RNGTT: variants seen among roughly 807,000 people sequenced by gnomAD.
The protein encoded by RNGTT is RNA guanylyltransferase and 5'-phosphatase, also known as mRNA-capping enzyme.
A neutral mutation model predicts 79.3 loss-of-function variants in RNGTT; 33 were observed. That is an observed-to-expected ratio of 0.42 (90% CI 0.32 to 0.56). The LOEUF is 0.56. Ranked by LOEUF, RNGTT falls within the 20% of genes least tolerant of loss-of-function variation. RNGTT has a pLI of 0.17. For synonymous variants in RNGTT, 222 were observed against 235.9 expected, an observed-to-expected ratio of 0.94 and a Z score of 0.54; for missense variants, 497 against 739.1, an observed-to-expected ratio of 0.67 and a Z score of 3.80.
intron 13 of RNGTT, among the ~76,000 whole-genome samples, chr6:88,740,513 TCAAAAAAA>T (rs1355403137): frequency 6.7e-6 from 1 of 149,522 alleles, no homozygotes; most frequent in Admixed American, 6.7e-5. Flanking sequence ...ACACCCTGTC[TCAAAAAAA>T]CAAAAAAACA....
At chr6:88,838,148 T>C (rs1050784882) in intron 11 of RNGTT, among the ~76,000 whole-genome samples, 38 of 152,170 alleles carry the variant, frequency 2.5e-4, no homozygotes, top group African/African-American at 9.2e-4. Flanking sequence ...TAGAGTCCTA[T>C]AGCTAACATC....
At chr6:88,905,329 A>AACTTT (rs1476155131) in intron 5 of RNGTT, among the ~76,000 whole-genome samples, 1 of 152,216 alleles carries the variant, frequency 6.6e-6, no homozygotes. Context: ...GGAACTTTCA[A>AACTTT]CAGATCCAGG....
chr6:88,679,315 CCTCA>C (rs1438798458), intron 13 of RNGTT, among the ~76,000 whole-genome samples: 1 of 152,086 alleles, frequency 6.6e-6, no homozygotes, highest in Non-Finnish European at 1.5e-5. Flanking sequence ...TTGGGATTAG[CCTCA>C]CTCAAAGAGT....
At chr6:88,748,945 A>T (rs923492932) in intron 13 of RNGTT, among the ~76,000 whole-genome samples, 1 of 152,156 alleles carries the variant, frequency 6.6e-6, no homozygotes, top group African/African-American at 2.4e-5. Context: ...ATTGAATCTT[A>T]AAAACAAGAA....
intron 13 of RNGTT, among the ~76,000 whole-genome samples, chr6:88,738,006 T>C (rs994262512): frequency 1.3e-5 from 2 of 152,120 alleles, no homozygotes; most frequent in South Asian, 4.1e-4. Context: ...GAGTACAGTA[T>C]GAAAAGGAGG....
At chr6:88,612,945 C>A (rs923255578) in intron 15 of RNGTT, 63 bp from the exon 16 acceptor site, 7 of 1,475,754 alleles carry the variant, frequency 4.7e-6, no homozygotes, top group Non-Finnish European at 5.6e-6. Context: ...TCACCACAGG[C>A]TTATGAGAAA....
intron 11 of RNGTT, among the ~76,000 whole-genome samples, chr6:88,806,984 G>A (rs1480593204): frequency 2.0e-5 from 3 of 152,080 alleles, no homozygotes; most frequent in Non-Finnish European, 2.9e-5. Flanking sequence ...GCAAACTAAC[G>A]TAGGAACGAA....
intron 12 of RNGTT, among the ~76,000 whole-genome samples, chr6:88,781,836 G>A (rs191473853): frequency 6.6e-6 from 1 of 152,044 alleles, no homozygotes; most frequent in Non-Finnish European, 1.5e-5. Flanking sequence ...CAAAACTCTC[G>A]AATCATCTTT....
intron 13 of RNGTT, among the ~76,000 whole-genome samples, chr6:88,714,768 A>C (rs1776448506): frequency 6.6e-6 from 1 of 152,118 alleles, no homozygotes; most frequent in Admixed American, 6.5e-5. Context: ...AAGTACTTTT[A>C]AAAATGTAAA....
intron 14 of RNGTT, among the ~76,000 whole-genome samples, chr6:88,667,174 G>A (rs965329044): frequency 1.3e-5 from 2 of 152,062 alleles, no homozygotes; most frequent in African/African-American, 2.4e-5. Flanking sequence ...CTCAGGCACC[G>A]CATCTAGTGC....
chr6:88,770,035 T>C (rs1193115777), intron 12 of RNGTT, among the ~76,000 whole-genome samples, 161 bp from the exon 13 acceptor site: 1 of 152,228 alleles, frequency 6.6e-6, no homozygotes, highest in African/African-American at 2.4e-5. Context: ...TACCTTCTTA[T>C]TGATGACCTT....
chr6:88,759,366 A>G (rs1778130047), intron 13 of RNGTT, among the ~76,000 whole-genome samples: 1 of 152,140 alleles, frequency 6.6e-6, no homozygotes, highest in African/African-American at 2.4e-5. Context: ...CATTTCTCTG[A>G]AGATCTCTGG....
chr6:88,901,570 G>A (rs187244314), intron 6 of RNGTT, among the ~76,000 whole-genome samples: 9 of 138,864 alleles, frequency 6.5e-5, no homozygotes, highest in Non-Finnish European at 9.1e-5. Flanking sequence ...GCAGTGGCGC[G>A]ATCTCAGCTC....
chr6:88,915,044 A>G (rs544129893), intron 4 of RNGTT, among the ~76,000 whole-genome samples: 1 of 152,340 alleles, frequency 6.6e-6, no homozygotes, highest in Non-Finnish European at 1.5e-5. Context: ...TACCAGGGAC[A>G]TGCAAATAAA....
intron 12 of RNGTT, among the ~76,000 whole-genome samples, chr6:88,786,016 C>T (rs1353019483): frequency 6.6e-6 from 1 of 151,952 alleles, no homozygotes; most frequent in African/African-American, 2.4e-5. Context: ...TAACTCTAGA[C>T]TCAATAGAAA....
intron 1 of RNGTT, among the ~76,000 whole-genome samples, chr6:88,944,301 C>T (rs898549832): frequency 6.6e-6 from 1 of 152,218 alleles, no homozygotes; most frequent in Non-Finnish European, 1.5e-5. Flanking sequence ...CCACATGTCA[C>T]ACCACTAATA....
chr6:88,897,657 C>G (rs188074016), intron 6 of RNGTT, among the ~76,000 whole-genome samples: 1 of 152,156 alleles, frequency 6.6e-6, no homozygotes, highest in East Asian at 1.9e-4. Context: ...AAAGGGTTAA[C>G]CTAACACTAG....
intron 6 of RNGTT, among the ~76,000 whole-genome samples, chr6:88,897,452 T>C (rs1210356542): frequency 1.3e-5 from 2 of 152,308 alleles, no homozygotes; most frequent in East Asian, 1.9e-4. Flanking sequence ...CTCAGAGATT[T>C]CTCTATCATT....
At chr6:88,632,579 ACG>A (rs1554199310) in intron 14 of RNGTT, among the ~76,000 whole-genome samples, 3 of 148,708 alleles carry the variant, frequency 2.0e-5, no homozygotes, top group Non-Finnish European at 3.0e-5. Flanking sequence ...ACACACACAC[ACG>A]TACATTTCAT....
Sources: gnomAD v4.1 joint callset for allele counts (sites outside exome capture counted in the v4.1 genomes callset) on GRCh38, gnomAD v4.1.1 for gene constraint, MANE v1.5 for transcripts, NCBI Gene and HGNC (gene_info 2026-07-23, HGNC 2026-07-21) for gene names.